The following AGBL1 variants were observed in gnomAD, a reference collection of about 807,000 sequenced individuals.
AGBL1 encodes cytosolic carboxypeptidase 4.
In AGBL1, 130 loss-of-function variants were observed where a neutral mutation model predicts 118.9. That is an observed-to-expected ratio of 1.09 (90% CI 0.95 to 1.26). The LOEUF (loss-of-function observed/expected upper bound fraction) is 1.26. Among genes scored for constraint, AGBL1 ranks in the 50% most tolerant of loss-of-function variants. The probability of loss-of-function intolerance (pLI) is 0.00; values close to 1 mark genes in which losing one functional copy is unlikely to be tolerated. For synonymous variants in AGBL1, 555 were observed against 478.9 expected (o/e 1.16, Z -2.08); for missense variants, 1,584 against 1,298.1 (o/e 1.22, Z -3.38).
chr15:86,794,233 G>C (rs1044366079), intron 22 of AGBL1, among the ~76,000 whole-genome samples: 27 of 152,212 alleles, frequency 1.8e-4, no homozygotes, highest in African/African-American at 6.0e-4. Context: ...TAAATAAAAA[G>C]TGGTGTGTCT....
chr15:86,185,561 G>A (rs1436682646), intron 5 of AGBL1, among the ~76,000 whole-genome samples: 2 of 152,138 alleles, frequency 1.3e-5, no homozygotes, highest in African/African-American at 4.8e-5. Context: ...ATATACCACG[G>A]AATACTATGC....
intron 17 of AGBL1, among the ~76,000 whole-genome samples, chr15:86,319,495 T>C (rs1475233985): frequency 2.6e-5 from 4 of 151,840 alleles, no homozygotes; most frequent in Admixed American, 2.6e-4. Context: ...TCCCCCCACA[T>C]TTTGCTATTG....
chr15:86,665,128 A>G (rs2085620589), intron 21 of AGBL1, among the ~76,000 whole-genome samples: 1 of 152,198 alleles, frequency 6.6e-6, no homozygotes, highest in Non-Finnish European at 1.5e-5. Flanking sequence ...TTATATCCCT[A>G]TGACGTTGCC....
intron 22 of AGBL1, among the ~76,000 whole-genome samples, chr15:86,701,554 G>A (rs1326870995): frequency 6.6e-6 from 1 of 152,080 alleles, no homozygotes; most frequent in African/African-American, 2.4e-5. Flanking sequence ...GACTTGCTTT[G>A]TCTCTTGAAT....
At chr15:86,601,885 G>A (rs2084500419) in intron 21 of AGBL1, among the ~76,000 whole-genome samples, 1 of 152,042 alleles carries the variant, frequency 6.6e-6, no homozygotes, top group Non-Finnish European at 1.5e-5. Context: ...AAGTCACATA[G>A]CTGCTTAATA....
intron 17 of AGBL1, among the ~76,000 whole-genome samples, chr15:86,337,155 T>C (rs1273056910): frequency 6.6e-6 from 1 of 152,226 alleles, no homozygotes; most frequent in Non-Finnish European, 1.5e-5. Flanking sequence ...GTTTATCTAA[T>C]AATGTGCACA....
chr15:86,369,794 C>G (rs1173986256), intron 17 of AGBL1, among the ~76,000 whole-genome samples: 1 of 151,942 alleles, frequency 6.6e-6, no homozygotes, highest in Non-Finnish European at 1.5e-5. Flanking sequence ...ATAACAAGGG[C>G]TACTGTATAA....
intron 21 of AGBL1, among the ~76,000 whole-genome samples, chr15:86,596,590 T>G (rs1567076190): frequency 6.6e-6 from 1 of 152,082 alleles, no homozygotes; most frequent in Non-Finnish European, 1.5e-5. Context: ...TGGACTTCTC[T>G]CTCTTTTTTT....
chr15:86,836,725 C>A (rs898378463), intron 22 of AGBL1, among the ~76,000 whole-genome samples: 1 of 152,078 alleles, frequency 6.6e-6, no homozygotes. Context: ...ATGTTCCAGT[C>A]ATACTAGTGT....
In AGBL1 at chr15:86,444,409, G is replaced by C. The variant is rs374281104; in HGVS notation, c.2555+46863G>C. Among the ~76,000 whole-genome samples, 73 of 152,288 alleles carry C rather than the reference G, an allele frequency of 4.8e-4. 2 individuals carry two copies. In the South Asian group the frequency reaches 0.012, roughly 26 times the overall value. On this transcript the variant is annotated intron_variant, in intron 18 of 22. Coordinates refer to ENST00000614907, the MANE Select transcript of AGBL1 (RefSeq NM_001386094.1). ...ACCTGGATTCACTCAGCTATTGCAT[G>C]ATGGGAAAGGACCTGAAAGTTTTCA...
At chr15:86,093,584 A>C (rs1896168884) in intron 1 of AGBL1, among the ~76,000 whole-genome samples, 1 of 152,216 alleles carries the variant, frequency 6.6e-6, no homozygotes, top group Non-Finnish European at 1.5e-5. Context: ...AGATTTGAAG[A>C]GGAACTATTA....
chr15:86,979,506 G>A (rs1233603801), intron 23 of AGBL1, among the ~76,000 whole-genome samples: 3 of 151,566 alleles, frequency 2.0e-5, no homozygotes, highest in Non-Finnish European at 4.4e-5. Context: ...TTGGCGGGGG[G>A]GAGATGGTGT....
intron 23 of AGBL1, among the ~76,000 whole-genome samples, chr15:86,959,247 T>C (rs1340913448): frequency 1.3e-5 from 2 of 152,160 alleles, no homozygotes; most frequent in Non-Finnish European, 2.9e-5. Context: ...ATAAAAAAGG[T>C]ATTCTTGTCC....
chr15:86,227,368 C>G (rs1188195699), intron 6 of AGBL1, among the ~76,000 whole-genome samples: 1 of 152,250 alleles, frequency 6.6e-6, no homozygotes, highest in African/African-American at 2.4e-5. Flanking sequence ...CTCTAACATT[C>G]TTTCTAACAC....
intron 23 of AGBL1, among the ~76,000 whole-genome samples, chr15:86,943,157 T>C (rs1270199405): frequency 6.6e-6 from 1 of 152,230 alleles, no homozygotes; most frequent in Non-Finnish European, 1.5e-5. Context: ...TTAAGGATTA[T>C]TTCTCAGTTA....
At chr15:86,573,176 C>T (rs988224769) in intron 21 of AGBL1, among the ~76,000 whole-genome samples, 1 of 152,164 alleles carries the variant, frequency 6.6e-6, no homozygotes, top group Non-Finnish European at 1.5e-5. Flanking sequence ...CAACTAAAAG[C>T]ACATAACCAA....
intron 17 of AGBL1, among the ~76,000 whole-genome samples, chr15:86,361,072 C>T (rs182694263): frequency 3.2e-4 from 48 of 151,732 alleles, no homozygotes; most frequent in Admixed American, 3.1e-3. Flanking sequence ...TGAGATCTTT[C>T]TTCTTTTATA....
At chr15:86,755,274 A>C (rs79481743) in intron 22 of AGBL1, among the ~76,000 whole-genome samples, 19,405 of 152,096 alleles carry the variant, frequency 0.13, 1,623 homozygotes, top group Non-Finnish European at 0.18. Flanking sequence ...TTAAAATGAA[A>C]ACACTCTACA....
intron 23 of AGBL1, among the ~76,000 whole-genome samples, chr15:86,964,031 C>CTGTGTG (rs1555466861): frequency 5.7e-4 from 83 of 146,304 alleles, no homozygotes; most frequent in Middle Eastern, 7.0e-3. Flanking sequence ...CTCTCTCTCT[C>CTGTGTG]TGTGTGTGTG....
Sources: allele counts gnomAD v4.1 joint callset (sites outside exome capture counted in the v4.1 genomes callset), GRCh38; gene constraint gnomAD v4.1.1; transcripts MANE v1.5; gene names NCBI Gene and HGNC (gene_info 2026-07-23, HGNC 2026-07-21).